Variants in PATJ observed in about 807,000 individuals in gnomAD.
PATJ encodes the protein PATJ crumbs cell polarity complex component.
PATJ carries 190 observed loss-of-function variants against 224.9 expected under a neutral mutation model. The observed-to-expected ratio is 0.84, with a 90% CI of 0.75 to 0.95. The LOEUF (loss-of-function observed/expected upper bound fraction) is 0.95, where lower values mean the gene tolerates loss of function less well. Ranked by LOEUF, PATJ falls within the 40% of genes least tolerant of loss-of-function variation. The pLI is 0.00. For synonymous variants in PATJ, 769 were observed against 820.3 expected, an observed-to-expected ratio of 0.94 and a Z score of 1.07; for missense variants, 2,121 against 2,270.3, an observed-to-expected ratio of 0.93 and a Z score of 1.34.
intron 28 of PATJ, among the ~76,000 whole-genome samples, chr1:61,996,666 G>T (rs1645372763): frequency 6.6e-6 from 1 of 150,996 alleles, no homozygotes; most frequent in South Asian, 2.1e-4. Flanking sequence ...GAAGAACAAA[G>T]AATTAAAAAT....
intron 31 of PATJ, among the ~76,000 whole-genome samples, chr1:62,069,266 T>A (rs6674622): frequency 1.3e-5 from 2 of 151,956 alleles, no homozygotes; most frequent in African/African-American, 4.8e-5. Context: ...CAGCAAGATG[T>A]GTCTGAGTTA....
intron 30 of PATJ, 51 bp from the exon 31 acceptor site, chr1:62,050,915 A>G: frequency 7.7e-7 from 1 of 1,300,470 alleles, no homozygotes; most frequent in East Asian, 2.3e-5. Context: ...AATTCGAGGG[A>G]GTGTAAGTGA....
rs756592850 is a variant in PATJ at position 62,117,123 on chromosome 1, C to T, written c.4804-9C>T. On this transcript the variant is annotated splice_polypyrimidine_tract_variant and intron_variant, in intron 36 of 43. Coordinates refer to ENST00000642238, the MANE Select transcript of PATJ (RefSeq NM_001350145.3). ...CTTTTCATTTCTGTTCTTTTCTTGC[C>T]TTTCCAAGTGTGCACAGGGACTTGT... 5 of 1,611,192 alleles carry T rather than the reference C, an allele frequency of 3.1e-6. No individual in the cohort carries two copies. In the Admixed American group the frequency reaches 8.4e-5, roughly 27 times the overall value.
chr1:61,961,007 G>A (rs1199099301), intron 27 of PATJ, among the ~76,000 whole-genome samples: 1 of 152,112 alleles, frequency 6.6e-6, no homozygotes, highest in Non-Finnish European at 1.5e-5. Context: ...ACAGGTTTAT[G>A]GTTCAGCTTT....
At chr1:61,824,352 A>G (rs976455942) in intron 15 of PATJ, among the ~76,000 whole-genome samples, 7 of 150,674 alleles carry the variant, frequency 4.6e-5, no homozygotes, top group African/African-American at 1.7e-4. Context: ...TGTGTGAGCC[A>G]CTGCACCCGG....
chr1:62,159,217 G>A (rs1669602673), intron 43 of PATJ, among the ~76,000 whole-genome samples: 1 of 152,122 alleles, frequency 6.6e-6, no homozygotes, highest in Admixed American at 6.6e-5. Flanking sequence ...TTTTGAGACA[G>A]AGTTTACTCT....
intron 30 of PATJ, among the ~76,000 whole-genome samples, chr1:62,044,223 T>C (rs145849266): frequency 1.9e-4 from 29 of 152,308 alleles, no homozygotes; most frequent in African/African-American, 7.0e-4. Flanking sequence ...CTAGAACTTA[T>C]TACTTTAACT....
chr1:62,103,732 C>T (rs1662520434), intron 33 of PATJ, among the ~76,000 whole-genome samples: 1 of 138,156 alleles, frequency 7.2e-6, no homozygotes, highest in African/African-American at 2.7e-5. Context: ...CCAGCCTGGG[C>T]AAAAGAGTAA....
chr1:62,068,599 C>T (rs1656875433), intron 31 of PATJ, among the ~76,000 whole-genome samples: 1 of 152,216 alleles, frequency 6.6e-6, no homozygotes, highest in Non-Finnish European at 1.5e-5. Context: ...GGACCAGTTA[C>T]TGTGGCCAGA....
intron 28 of PATJ, among the ~76,000 whole-genome samples, chr1:62,000,986 T>A (rs1241573717): frequency 6.6e-6 from 1 of 151,940 alleles, no homozygotes; most frequent in African/African-American, 2.4e-5. Flanking sequence ...GTTGGCTGCA[T>A]AAATGTCTTC....
At chr1:61,990,120 A>G in intron 27 of PATJ, 48 bp from the exon 28 acceptor site, 1 of 1,310,682 alleles carries the variant, frequency 7.6e-7, no homozygotes, top group African/African-American at 1.5e-5. Flanking sequence ...CATCTCAATA[A>G]TACAGATCAA....
At chr1:61,998,619 A>C (rs1400022497) in intron 28 of PATJ, among the ~76,000 whole-genome samples, 1 of 152,192 alleles carries the variant, frequency 6.6e-6, no homozygotes. Context: ...AAAGAAGAAG[A>C]AAATTTATTT....
At chr1:62,132,341 T>C (rs1666346485) in intron 41 of PATJ, among the ~76,000 whole-genome samples, 1 of 152,110 alleles carries the variant, frequency 6.6e-6, no homozygotes. Flanking sequence ...CTACTAAAAA[T>C]ACAAAAAAGT....
chr1:62,030,423 A>G (rs1329327536), intron 29 of PATJ, among the ~76,000 whole-genome samples: 3 of 151,156 alleles, frequency 2.0e-5, no homozygotes, highest in Non-Finnish European at 3.0e-5. Context: ...CTTATCAGTG[A>G]TAGAATCCAT....
intron 12 of PATJ, 21 bp from the exon 13 acceptor site, chr1:61,805,427 C>T (rs769767498): frequency 5.3e-6 from 8 of 1,512,450 alleles, no homozygotes; most frequent in South Asian, 1.1e-5. Context: ...CTCGCTCTCT[C>T]TCTTTTTTTT....
At chr1:62,140,068 T>C (rs1448706984) in intron 41 of PATJ, among the ~76,000 whole-genome samples, 1 of 152,054 alleles carries the variant, frequency 6.6e-6, no homozygotes, top group African/African-American at 2.4e-5. Flanking sequence ...CCTAAAGTCA[T>C]TCTTAAGGTG....
intron 29 of PATJ, among the ~76,000 whole-genome samples, chr1:62,031,535 T>C (rs992693979): frequency 6.6e-6 from 1 of 152,224 alleles, no homozygotes; most frequent in African/African-American, 2.4e-5. Flanking sequence ...CATGTATTTT[T>C]ACCCCAAGGA....
intron 27 of PATJ, among the ~76,000 whole-genome samples, chr1:61,929,280 C>T (rs1463314000): frequency 6.6e-6 from 1 of 152,200 alleles, no homozygotes; most frequent in Non-Finnish European, 1.5e-5. Flanking sequence ...TTGAGGTGTG[C>T]ACCTAAGATT....
intron 41 of PATJ, among the ~76,000 whole-genome samples, chr1:62,137,083 A>G (rs1376812063): frequency 6.6e-6 from 1 of 152,138 alleles, no homozygotes; most frequent in Non-Finnish European, 1.5e-5. Context: ...TACTCAACCT[A>G]GGTCCATGCA....
Sources: allele counts gnomAD v4.1 joint callset (sites outside exome capture counted in the v4.1 genomes callset), GRCh38; gene constraint gnomAD v4.1.1; transcripts MANE v1.5; gene names NCBI Gene and HGNC (gene_info 2026-07-23, HGNC 2026-07-21).